ASIC2: variants seen among roughly 807,000 people sequenced by gnomAD.
ASIC2 encodes acid-sensing ion channel 2.
In ASIC2, 25 loss-of-function variants were observed where a neutral mutation model predicts 57.3. The ratio of observed to expected loss-of-function variants is 0.44; its 90% CI spans 0.32 to 0.61. The LOEUF is 0.61. ASIC2 is among the 20% of genes least tolerant of loss of function. The pLI is 0.06. For missense variants in ASIC2, 641 were observed against 738.1 expected (o/e 0.87, Z 1.52); for synonymous variants, 319 against 307.5 (o/e 1.04, Z -0.39).
intron 1 of ASIC2, among the ~76,000 whole-genome samples, chr17:33,152,363 G>A (rs1403961761): frequency 6.6e-6 from 1 of 152,206 alleles, no homozygotes; most frequent in Non-Finnish European, 1.5e-5. Flanking sequence ...TGAATGCCAA[G>A]TGCTCTAGTG....
chr17:33,694,143 A>G (rs1908456547), intron 1 of ASIC2, among the ~76,000 whole-genome samples: 1 of 152,170 alleles, frequency 6.6e-6, no homozygotes, highest in African/African-American at 2.4e-5. Context: ...AGAAAGATTC[A>G]TGGCCTCAGG....
At chr17:33,830,099 T>C (rs1252946265) in intron 1 of ASIC2, among the ~76,000 whole-genome samples, 4 of 152,194 alleles carry the variant, frequency 2.6e-5, no homozygotes, top group Admixed American at 6.5e-5. Flanking sequence ...ATAAATTATA[T>C]TCCACTTATT....
intron 1 of ASIC2, among the ~76,000 whole-genome samples, chr17:33,682,359 C>T (rs1030151058): frequency 1.3e-5 from 2 of 152,072 alleles, no homozygotes; most frequent in East Asian, 1.9e-4. Flanking sequence ...GCCACCGTGC[C>T]CAGCTGGCAT....
intron 1 of ASIC2, among the ~76,000 whole-genome samples, chr17:34,045,160 C>G (rs1161660125): frequency 1.3e-5 from 2 of 152,114 alleles, no homozygotes; most frequent in African/African-American, 4.8e-5. Context: ...ACCATCACAG[C>G]AAACAATCCT....
chr17:34,016,939 A>G (rs1476558314), intron 1 of ASIC2, among the ~76,000 whole-genome samples: 1 of 152,236 alleles, frequency 6.6e-6, no homozygotes, highest in Admixed American at 6.5e-5. Context: ...AAAACCTGAA[A>G]TGTGCCTCAT....
chr17:33,602,941 G>T (rs1441439340), intron 1 of ASIC2, among the ~76,000 whole-genome samples: 1 of 152,144 alleles, frequency 6.6e-6, no homozygotes. Context: ...TCCTCGCAGG[G>T]GCTCTAAGAG....
At chr17:33,724,532 C>A (rs551962075) in intron 1 of ASIC2, among the ~76,000 whole-genome samples, 2 of 152,006 alleles carry the variant, frequency 1.3e-5, no homozygotes, top group African/African-American at 4.8e-5. Flanking sequence ...TGTGAAGGAG[C>A]GGAGGAGGGA....
At chr17:33,293,704 T>C (rs948042096), upstream of ASIC2, among the ~76,000 whole-genome samples, 1 of 152,090 alleles carries the variant, frequency 6.6e-6, no homozygotes, top group South Asian at 2.1e-4. Flanking sequence ...TATGTGTGAA[T>C]GGGCATTTCT....
rs114095496 is a variant in ASIC2 at position 33,103,495 on chromosome 17, G to T, written c.859+8422C>A. Among the ~76,000 whole-genome samples the T allele has an allele frequency of 3.2e-3, 488 of 152,272 alleles. 2 individuals carry two copies. The highest frequency in any genetic ancestry group is 0.011 in the African/African-American group (476 of 41,538). ...CTTTTTGGTTTGATTTGTGTTCATT[G>T]CCTTTTAGTGGGTCCCCTCAAATGC... On this transcript the variant is annotated intron_variant, in intron 2 of 9. Coordinates refer to ENST00000225823, the MANE Select transcript of ASIC2 (RefSeq NM_183377.2).
In ASIC2 at chr17:33,409,713, G is replaced by C. The variant is rs375169273; in HGVS notation, c.556-297646C>G. 4.1e-4 allele frequency among the ~76,000 whole-genome samples: 63 copies of C among 152,296 alleles called. No individual in the cohort carries two copies. In the South Asian group the frequency reaches 0.013, roughly 31 times the overall value. ...TGCGGAGGAGGAGGCCGAGGGAGCTGGACCATTTGTCTTATGTGTGGGGGA... is the reference window on the plus strand; with the variant it reads ...TGCGGAGGAGGAGGCCGAGGGAGCTCGACCATTTGTCTTATGTGTGGGGGA... On this transcript the variant is annotated intron_variant, in intron 1 of 9. Transcript: ENST00000359872.
intron 2 of ASIC2, among the ~76,000 whole-genome samples, chr17:33,095,535 CCTT>C (rs140044656): frequency 0.018 from 2,694 of 152,328 alleles, 63 homozygotes; most frequent in African/African-American, 0.061. Flanking sequence ...ATCCCACCCT[CCTT>C]GTTTTACAGA....
chr17:33,734,667 G>A (rs1374455414), intron 1 of ASIC2, among the ~76,000 whole-genome samples: 3 of 152,308 alleles, frequency 2.0e-5, no homozygotes, highest in East Asian at 3.9e-4. Context: ...AGGTTGTAAG[G>A]ATGGGACCCC....
At chr17:34,081,039 A>G (rs758131847) in intron 1 of ASIC2, 9 of 152,204 alleles carry the variant, frequency 5.9e-5, no homozygotes, top group Non-Finnish European at 1.3e-4. Context: ...AGCAGCCTCT[A>G]TTGGCATCTA....
intron 1 of ASIC2, among the ~76,000 whole-genome samples, chr17:33,316,351 G>A (rs1906645062): frequency 6.6e-6 from 1 of 152,190 alleles, no homozygotes; most frequent in African/African-American, 2.4e-5. Context: ...AACTCTCTCT[G>A]CTGTCTACAG....
chr17:33,870,743 A>C (rs1914382823), intron 1 of ASIC2, among the ~76,000 whole-genome samples: 2 of 152,230 alleles, frequency 1.3e-5, no homozygotes, highest in African/African-American at 4.8e-5. Flanking sequence ...GACAACTCTT[A>C]GAACAGATCT....
At chr17:33,693,871 T>C (rs1908449031) in intron 1 of ASIC2, among the ~76,000 whole-genome samples, 1 of 152,214 alleles carries the variant, frequency 6.6e-6, no homozygotes, top group African/African-American at 2.4e-5. Context: ...GAGAGGGCTC[T>C]AGAATAGATG....
intron 1 of ASIC2, among the ~76,000 whole-genome samples, chr17:33,684,128 G>A (rs1364608308): frequency 1.3e-5 from 2 of 152,178 alleles, no homozygotes; most frequent in Non-Finnish European, 2.9e-5. Context: ...TACTCTTTCT[G>A]TTTTTGACTT....
At chr17:33,474,112 A>G (rs1327520892) in intron 1 of ASIC2, among the ~76,000 whole-genome samples, 1 of 152,192 alleles carries the variant, frequency 6.6e-6, no homozygotes, top group Non-Finnish European at 1.5e-5. Context: ...TACGCCTGTA[A>G]TCCCAGCACT....
intron 1 of ASIC2, among the ~76,000 whole-genome samples, chr17:33,573,427 A>G (rs1898965484): frequency 6.6e-6 from 1 of 152,138 alleles, no homozygotes; most frequent in African/African-American, 2.4e-5. Flanking sequence ...CCAACTCCCC[A>G]TCTACCTTCC....
Sources: gnomAD v4.1 joint callset for allele counts (sites outside exome capture counted in the v4.1 genomes callset) on GRCh38, gnomAD v4.1.1 for gene constraint, MANE v1.5 for transcripts, NCBI Gene and HGNC (gene_info 2026-07-23, HGNC 2026-07-21) for gene names.